The following PKD2 variants were observed in gnomAD, a reference collection of about 807,000 sequenced individuals.
PKD2 encodes the protein polycystin-2.
Under a neutral mutation model 105.9 loss-of-function variants are expected in PKD2, and 48 were observed. The observed-to-expected ratio is 0.45, with a 90% CI of 0.36 to 0.58. The LOEUF (loss-of-function observed/expected upper bound fraction) is 0.58, where lower values mean the gene tolerates loss of function less well. Among genes scored for constraint, PKD2 ranks in the 20% least tolerant of loss-of-function variants. The pLI is 0.00. For synonymous variants in PKD2, 464 were observed against 481.1 expected, an observed-to-expected ratio of 0.96 and a Z score of 0.46; for missense variants, 1,078 against 1,255.3, an observed-to-expected ratio of 0.86 and a Z score of 2.13.
chr4:88,075,344 C>T, intron 14 of PKD2, 114 bp from the exon 15 acceptor site: 1 of 855,560 alleles, frequency 1.2e-6, no homozygotes, highest in Non-Finnish European at 2.0e-6. Flanking sequence ...CTGAGATTTG[C>T]TATTATATGC....
intron 6 of PKD2, among the ~76,000 whole-genome samples, chr4:88,048,481 A>C (rs1727856222): frequency 6.6e-6 from 1 of 152,224 alleles, no homozygotes; most frequent in African/African-American, 2.4e-5. Flanking sequence ...CAGCAATAAT[A>C]ATTGTAATAG....
chr4:88,047,334 A>T (rs1437643056), intron 6 of PKD2, among the ~76,000 whole-genome samples: 1 of 152,048 alleles, frequency 6.6e-6, no homozygotes, highest in Non-Finnish European at 1.5e-5. Flanking sequence ...AGGCAGGAGG[A>T]TCACTTAAGC....
rs1727327988 is a variant in PKD2, at chr4:88,036,281, C to T, written c.771C>T (p.Phe257=). ...ACACCCGGATGATGTCACAGCTCTT[C>T]CTAGACACCCCCGTGTCCAAAACGG... ...YYYTRMMSQL[F]LDTPVSKTEK... Residue 257 remains phenylalanine, a synonymous_variant, in exon 3 of 15, where the codon TTC becomes TTT. Coordinates refer to ENST00000237596, the MANE Select transcript of PKD2 (RefSeq NM_000297.4). The T allele has an allele frequency of 6.2e-7, 1 of 1,613,904 alleles. No individual in the cohort carries two copies. The highest frequency in any genetic ancestry group is 1.3e-5 in the African/African-American group (1 of 75,008).
Position 88,075,662 on chromosome 4 carries a change from G to A in PKD2, c.2875G>A (p.Gly959Ser), listed in dbSNP as rs1379340484. 1 of 1,613,734 alleles carries A rather than the reference G, an allele frequency of 6.2e-7. No homozygotes were observed. The highest frequency in any genetic ancestry group is 8.5e-7 in the Non-Finnish European group (1 of 1,179,806). ...SQSTEGMEGA[G>S]GNGSSNVHV ...ATCTACAGAAGGCATGGAAGGTGCA[G>A]GTGGAAATGGGAGTTCTAATGTCCA... Residue 959 changes from glycine to serine, a missense_variant, in exon 15 of 15, where the codon GGT (glycine) becomes AGT (serine). By Grantham distance (56) the Gly-to-Ser change is moderately conservative. This residue lies in a region of PKD2 where 868 missense variants were observed against 1,067.3 expected (regional missense o/e 0.81). Coordinates refer to ENST00000237596, the MANE Select transcript of PKD2 (RefSeq NM_000297.4).
At chr4:88,071,322 T>C (rs1189043213) in intron 13 of PKD2, among the ~76,000 whole-genome samples, 2 of 152,132 alleles carry the variant, frequency 1.3e-5, no homozygotes, top group Non-Finnish European at 2.9e-5. Flanking sequence ...AGTGCTGGGA[T>C]TACAGGCATG....
At chr4:88,057,634 C>T (rs1032908969) in intron 8 of PKD2, among the ~76,000 whole-genome samples, 11 of 151,994 alleles carry the variant, frequency 7.2e-5, no homozygotes, top group Non-Finnish European at 1.3e-4. Context: ...CGGGGTTTCA[C>T]TATATTGGCC....
At chr4:88,052,597 T>G (rs1274438877) in intron 7 of PKD2, among the ~76,000 whole-genome samples, 2 of 152,180 alleles carry the variant, frequency 1.3e-5, no homozygotes, top group African/African-American at 4.8e-5. Flanking sequence ...AGTAAACTAT[T>G]GAGACTCATG....
In PKD2 at chr4:88,008,344, C is replaced by A; in HGVS notation, c.595+16C>A. The A allele has an allele frequency of 7.3e-6, 11 of 1,513,224 alleles. No individual in the cohort carries two copies. The highest frequency in any genetic ancestry group is 7.9e-6 in the Non-Finnish European group (9 of 1,136,664). 93.7% of individuals were successfully genotyped at this position (1,513,224 alleles called of 1,614,324 possible). On this transcript the variant is annotated intron_variant, in intron 1 of 14. Transcript: ENST00000237596. The stretch of plus-strand genomic sequence containing the variant: ...GGGCTGCGAGGTAAGAGCGCGCGAC[C>A]CGCAGCGGCAGATGCACGAACCAGA...
intron 9 of PKD2, among the ~76,000 whole-genome samples, chr4:88,060,057 G>C (rs1720513807): frequency 6.6e-6 from 1 of 152,166 alleles, no homozygotes; most frequent in South Asian, 2.1e-4. Flanking sequence ...GGGTGAGCTA[G>C]CTTCCTCTTC....
intron 3 of PKD2, among the ~76,000 whole-genome samples, chr4:88,037,750 A>G (rs1454949499): frequency 6.6e-6 from 1 of 152,240 alleles, no homozygotes; most frequent in African/African-American, 2.4e-5. Context: ...ATGATGATAA[A>G]TGCCAATCAC....
chr4:88,024,553 A>G (rs1726887237), intron 2 of PKD2, among the ~76,000 whole-genome samples: 4 of 151,838 alleles, frequency 2.6e-5, no homozygotes, highest in Admixed American at 2.6e-4. Flanking sequence ...TGAATCTATA[A>G]TAATAAAAAT....
chr4:88,047,279 A>G (rs1019685847), intron 6 of PKD2, among the ~76,000 whole-genome samples: 1 of 152,110 alleles, frequency 6.6e-6, no homozygotes. Context: ...CTTGTCGGCC[A>G]GGTGTGGTAG....
At position 88,056,209 on chromosome 4, in the gene PKD2, T is replaced by G; in HGVS notation, c.1840T>G (p.Leu614Val). 1 of 1,613,712 alleles carries G rather than the reference T, an allele frequency of 6.2e-7. No individual in the cohort carries two copies. Among genetic ancestry groups the G allele is most frequent in the South Asian group, 1.1e-5 (1 of 91,076 alleles). ...CATTATTTTCCTAGCGTATGCTCAG[T>G]TGGCATACCTTGTCTTTGGCACTCA... is the stretch of plus-strand genomic sequence containing the variant. ...FFIIFLAYAQ[L>V]AYLVFGTQVD... Residue 614 changes from leucine to valine, a missense_variant, in exon 8 of 15, where the codon TTG (leucine) becomes GTG (valine). Around this residue, in one of 2 missense-constraint regions of PKD2, gnomAD observed 868 missense variants for 1,067.3 expected, o/e 0.81. Coordinates refer to ENST00000237596, the MANE Select transcript of PKD2 (RefSeq NM_000297.4).
chr4:88,059,163 A>G (rs1292698979), intron 9 of PKD2, among the ~76,000 whole-genome samples: 1 of 152,178 alleles, frequency 6.6e-6, no homozygotes, highest in African/African-American at 2.4e-5. Flanking sequence ...CCGGGGAGAC[A>G]CAGCCTCTGG....
chr4:88,053,518 G>A (rs1417353012), intron 7 of PKD2, among the ~76,000 whole-genome samples: 4 of 152,014 alleles, frequency 2.6e-5, no homozygotes, highest in Non-Finnish European at 5.9e-5. Flanking sequence ...TTAGCTGGGG[G>A]TGGTGGCACG....
At chr4:88,045,511 G>A (rs1727734115) in intron 5 of PKD2, among the ~76,000 whole-genome samples, 1 of 152,192 alleles carries the variant, frequency 6.6e-6, no homozygotes, top group Non-Finnish European at 1.5e-5. Flanking sequence ...TCCTGTAATG[G>A]CAGAGATAGT....
At position 88,039,949 on chromosome 4, in the gene PKD2, C is replaced by G. The variant is rs184210478; in HGVS notation, c.1094+1448C>G. ...GTGCCTTTTTGTAGTTCCTGCAAAG[C>G]ATAAGCATGCCTTCATCTGTGGTAC... On this transcript the variant is annotated intron_variant, in intron 4 of 14. Transcript: ENST00000237596. 2.6e-5 allele frequency among the ~76,000 whole-genome samples: 4 copies of G among 152,244 alleles called. No individual in the cohort carries two copies. The East Asian group carries it at 7.7e-4, about 29-fold the overall frequency.
At chr4:88,046,973 G>A in intron 6 of PKD2, 103 bp downstream of exon 6, 3 of 775,758 alleles carry the variant, frequency 3.9e-6, no homozygotes, top group Non-Finnish European at 7.0e-6. Flanking sequence ...TCCCAAAAAA[G>A]AATCTAAAAG....
intron 6 of PKD2, among the ~76,000 whole-genome samples, chr4:88,047,138 G>A (rs927737808): frequency 2.6e-5 from 4 of 151,990 alleles, no homozygotes; most frequent in Non-Finnish European, 4.4e-5. Context: ...TTAGTATGCC[G>A]TATGAGATGT....
Sources: allele counts gnomAD v4.1 joint callset (sites outside exome capture counted in the v4.1 genomes callset), GRCh38; gene constraint gnomAD v4.1.1; regional missense constraint gnomAD v4.1.1; transcripts MANE v1.5; gene names NCBI Gene and HGNC (gene_info 2026-07-23, HGNC 2026-07-21).